Variants in SPDYE10 observed in about 807,000 individuals in gnomAD.
SPDYE10 encodes speedy protein E10.
the SPDYE10 span, among the ~76,000 whole-genome samples, chr7:73,134,385 G>A: frequency 9.6e-4 from 133 of 138,926 alleles, no homozygotes; most frequent in Non-Finnish European, 1.6e-3. Context: ...GTGGAGGGAG[G>A]GGGGAGGGAT....
chr7:73,127,082 CTTTTTTTTTTTTTT>C, the SPDYE10 span, among the ~76,000 whole-genome samples: 64 of 13,358 alleles, frequency 4.8e-3, no homozygotes, highest in African/African-American at 0.02. Context: ...CCACGCCTGG[CTTTTTTTTTTTTTT>C]TTTTTTTTTT....
At chr7:73,154,792 GC>G in the SPDYE10 span, 2 of 199,954 alleles carry the variant, frequency 1.0e-5, no homozygotes, top group Non-Finnish European at 1.0e-5. Flanking sequence ...CGGCCGCCCA[GC>G]CCCCGCGGCA....
At chr7:73,144,810 A>G in the SPDYE10 span, among the ~76,000 whole-genome samples, 1 of 100,636 alleles carries the variant, frequency 9.9e-6, no homozygotes, top group South Asian at 4.0e-4. Flanking sequence ...CAGGACTTCC[A>G]GACCAGCCTG....
At chr7:73,127,571 AGGGAAGGGGAGGGGAG>A in the SPDYE10 span, among the ~76,000 whole-genome samples, 1 of 44,038 alleles carries the variant, frequency 2.3e-5, no homozygotes, top group Admixed American at 3.4e-4. Flanking sequence ...AGAGAAGAGA[AGGGAAGGGGAGGGGAG>A]GGGAAGGGGG....
At chr7:73,149,334 C>T in the SPDYE10 span, among the ~76,000 whole-genome samples, 18 of 128,116 alleles carry the variant, frequency 1.4e-4, no homozygotes, top group Admixed American at 3.3e-4. Context: ...GTCACCCAGG[C>T]TGGAGTGCAG....
chr7:73,137,477 G>A, the SPDYE10 span, among the ~76,000 whole-genome samples: 14 of 149,838 alleles, frequency 9.3e-5, no homozygotes, highest in African/African-American at 3.0e-4. Context: ...AGCCAAGATC[G>A]TGCTGCTGCA....
the SPDYE10 span, among the ~76,000 whole-genome samples, chr7:73,137,979 C>T: frequency 2.0e-4 from 30 of 149,308 alleles, no homozygotes; most frequent in Non-Finnish European, 1.8e-4. Flanking sequence ...CTAACAGACT[C>T]CAGATACCAG....
At chr7:73,137,852 GAAGGGGAGGGGAAGGAGAGGA>G in the SPDYE10 span, among the ~76,000 whole-genome samples, 14 of 89,156 alleles carry the variant, frequency 1.6e-4, no homozygotes, top group East Asian at 4.4e-4. Context: ...AAGGAGAGGA[GAAGGGGAGGGGAAGGAGAGGA>G]GAAGGGGAGG....
At chr7:73,152,014 T>G in the SPDYE10 span, among the ~76,000 whole-genome samples, 6 of 151,542 alleles carry the variant, frequency 4.0e-5, no homozygotes, top group Admixed American at 2.0e-4. Flanking sequence ...GTTTTGTTTT[T>G]TGTGTTTTTT....
the SPDYE10 span, among the ~76,000 whole-genome samples, chr7:73,124,593 CAGACA>C: frequency 4.0e-5 from 6 of 149,846 alleles, no homozygotes; most frequent in Non-Finnish European, 7.4e-5. Context: ...GCACGGGGTA[CAGACA>C]AGATTCTGCA....
chr7:73,142,657 C>A, the SPDYE10 span, among the ~76,000 whole-genome samples: 1 of 152,098 alleles, frequency 6.6e-6, no homozygotes, highest in African/African-American at 2.4e-5. Flanking sequence ...AAGCTGTGGG[C>A]CAGGCACAGT....
At chr7:73,105,179 AG>A in the SPDYE10 span, 2 of 295,916 alleles carry the variant, frequency 6.8e-6, no homozygotes, top group South Asian at 5.0e-5. Context: ...CATAAGAAAC[AG>A]GACCTCCAGG....
chr7:73,116,921 A>T, the SPDYE10 span, among the ~76,000 whole-genome samples: 19 of 151,086 alleles, frequency 1.3e-4, no homozygotes, highest in Non-Finnish European at 1.8e-4. Context: ...TTTGAGACAG[A>T]GTCTCGCTGT....
the SPDYE10 span, among the ~76,000 whole-genome samples, chr7:73,127,594 G>A: frequency 3.7e-5 from 3 of 80,158 alleles, 1 homozygote; most frequent in Non-Finnish European, 8.2e-5. Flanking sequence ...GGAGGGGAAG[G>A]GGGAGAGGAA....
the SPDYE10 span, among the ~76,000 whole-genome samples, chr7:73,117,364 C>T: frequency 1.3e-5 from 1 of 77,862 alleles, no homozygotes; most frequent in African/African-American, 6.0e-5. Flanking sequence ...AGGTGTGAGC[C>T]ACTGCGCCCG....
chr7:73,120,745 G>C, the SPDYE10 span, among the ~76,000 whole-genome samples: 1 of 148,374 alleles, frequency 6.7e-6, no homozygotes, highest in African/African-American at 2.5e-5. Context: ...CCAAGATCGT[G>C]TCTCTGCACT....
the SPDYE10 span, among the ~76,000 whole-genome samples, chr7:73,145,044 T>C: frequency 7.8e-6 from 1 of 128,736 alleles, no homozygotes; most frequent in Non-Finnish European, 1.6e-5. Flanking sequence ...TGAGTTAATA[T>C]AATGTCATGT....
chr7:73,121,123 C>G, the SPDYE10 span, among the ~76,000 whole-genome samples: 2 of 151,974 alleles, frequency 1.3e-5, no homozygotes, highest in Non-Finnish European at 2.9e-5. Flanking sequence ...CCCATTGTCA[C>G]TTTTTACTGA....
the SPDYE10 span, among the ~76,000 whole-genome samples, chr7:73,145,058 A>C: frequency 6.6e-5 from 8 of 121,630 alleles, no homozygotes; most frequent in East Asian, 2.7e-4. Flanking sequence ...GTCATGTCCT[A>C]TTTTCCTTCC....
Sources: gnomAD v4.1 joint callset for allele counts (sites outside exome capture counted in the v4.1 genomes callset) on GRCh38, gnomAD v4.1.1 for gene constraint, MANE v1.5 for transcripts, NCBI Gene and HGNC (gene_info 2026-07-23, HGNC 2026-07-21) for gene names.